Variants in ATP2B4 observed in about 807,000 individuals in gnomAD.
The protein encoded by ATP2B4 is plasma membrane calcium-transporting ATPase 4.
Under a neutral mutation model 110.3 loss-of-function variants are expected in ATP2B4, and 39 were observed. That is an observed-to-expected ratio of 0.35 (90% CI 0.27 to 0.46). ATP2B4 has a LOEUF of 0.46. Among genes scored for constraint, ATP2B4 ranks in the 20% least tolerant of loss-of-function variants. The pLI, the probability that ATP2B4 is intolerant of heterozygous loss-of-function variation, is 1.00. For synonymous variants in ATP2B4, 538 were observed against 571.7 expected (o/e 0.94, Z 0.84); for missense variants, 1,135 against 1,530.9 (o/e 0.74, Z 4.32).
intron 1 of ATP2B4, among the ~76,000 whole-genome samples, chr1:203,651,001 C>A (rs1306842210): frequency 6.6e-6 from 1 of 152,096 alleles, no homozygotes; most frequent in African/African-American, 2.4e-5. Flanking sequence ...CTCTTAATTC[C>A]TGGGCTCTAG....
chr1:203,723,459 T>TCTCTCTCTCTCTCTCTCC (rs1558052460), intron 18 of ATP2B4, among the ~76,000 whole-genome samples: 1 of 128,630 alleles, frequency 7.8e-6, no homozygotes, highest in African/African-American at 3.1e-5. Flanking sequence ...TCTCTCTCTC[T>TCTCTCTCTCTCTCTCTCC]CCCTCTGCCT....
chr1:203,736,177 G>C lies in ATP2B4; in HGVS notation c.3310-3369G>C, dbSNP rs1267063683. Among the ~76,000 whole-genome samples the C allele has an allele frequency of 5.3e-5, 8 of 152,192 alleles. No individual in the cohort carries two copies. The East Asian group carries it at 1.5e-3, about 29-fold the overall frequency. ...TTTCTTCTGGTTTCTGAAAAGAGCA[G>C]AAAACTGCCTGGCGCGGTGGCTCAC... On this transcript the variant is annotated intron_variant, in intron 20 of 20. Transcript: ENST00000357681.
chr1:203,698,047 C>G, intron 2 of ATP2B4, 110 bp from the exon 3 acceptor site: 1 of 886,890 alleles, frequency 1.1e-6, no homozygotes, highest in Non-Finnish European at 1.8e-6. Flanking sequence ...CTCTCTGTTG[C>G]CCAGGCTAGA....
intron 1 of ATP2B4, among the ~76,000 whole-genome samples, chr1:203,627,674 GA>G (rs58557409): frequency 0.44 from 58,682 of 134,482 alleles, 12,387 homozygotes; most frequent in East Asian, 0.69. Flanking sequence ...AAGAGAGATG[GA>G]AAAAAAAAAA....
At chr1:203,650,727 T>C (rs1425436279) in intron 1 of ATP2B4, among the ~76,000 whole-genome samples, 1 of 152,196 alleles carries the variant, frequency 6.6e-6, no homozygotes, top group Non-Finnish European at 1.5e-5. Flanking sequence ...AGGCTCAGCA[T>C]GCCGGCTGCG....
chr1:203,735,538 C>T (rs1230941754), intron 20 of ATP2B4, among the ~76,000 whole-genome samples: 2 of 152,134 alleles, frequency 1.3e-5, no homozygotes, highest in Non-Finnish European at 2.9e-5. Flanking sequence ...AGAACAGTTG[C>T]CTTGTCTGTG....
intron 1 of ATP2B4, among the ~76,000 whole-genome samples, chr1:203,677,691 T>C (rs1664868742): frequency 6.6e-6 from 1 of 152,202 alleles, no homozygotes; most frequent in South Asian, 2.1e-4. Flanking sequence ...CTCAAACTCC[T>C]GACCTCAGGT....
At chr1:203,663,273 A>T (rs1290871334) in intron 1 of ATP2B4, among the ~76,000 whole-genome samples, 2 of 152,052 alleles carry the variant, frequency 1.3e-5, no homozygotes, top group Non-Finnish European at 2.9e-5. Flanking sequence ...AATTCTGCGG[A>T]CTGGGAATTC....
intron 3 of ATP2B4, among the ~76,000 whole-genome samples, 162 bp downstream of exon 3, chr1:203,698,516 T>C (rs549289821): frequency 2.6e-5 from 4 of 152,164 alleles, no homozygotes; most frequent in Non-Finnish European, 5.9e-5. Flanking sequence ...ACTAAGCTAT[T>C]CTTCCAACTC....
At position 203,744,006 on chromosome 1, in the gene ATP2B4, C is replaced by A. The variant is rs1667041853; in HGVS notation, c.*4152C>A. 6.6e-6 allele frequency: 1 copy of A among 152,532 alleles called. No homozygotes were observed. The highest frequency in any genetic ancestry group is 1.5e-5 in the Non-Finnish European group (1 of 68,020). The allele number at this position is 152,532 out of a possible 1,614,324, so 9.4% of individuals were successfully genotyped here. On this transcript the variant is annotated 3_prime_UTR_variant, in exon 21 of 21. Transcript: ENST00000357681. Reference sequence around the variant, plus strand: ...TTTTAAAAGGGATAATTTGTTGGAGCCAATAAAGCTTTTTGCTGATGAACA... The same window carrying A: ...TTTTAAAAGGGATAATTTGTTGGAGACAATAAAGCTTTTTGCTGATGAACA...
intron 1 of ATP2B4, among the ~76,000 whole-genome samples, chr1:203,663,457 C>T (rs1322204511): frequency 2.0e-5 from 3 of 152,140 alleles, no homozygotes; most frequent in African/African-American, 7.2e-5. Flanking sequence ...ACACATCACA[C>T]ATACATTCAG....
intron 1 of ATP2B4, among the ~76,000 whole-genome samples, chr1:203,649,689 G>C (rs998622329): frequency 6.6e-6 from 1 of 152,130 alleles, no homozygotes; most frequent in African/African-American, 2.4e-5. Context: ...AGCTACTCAA[G>C]AGGCTGAGGT....
chr1:203,662,874 C>T (rs1431445875), intron 1 of ATP2B4, among the ~76,000 whole-genome samples: 1 of 152,202 alleles, frequency 6.6e-6, no homozygotes, highest in African/African-American at 2.4e-5. Flanking sequence ...AAACTCTGTC[C>T]TGAGGTTTTA....
intron 1 of ATP2B4, among the ~76,000 whole-genome samples, chr1:203,653,104 C>T (rs1230325665): frequency 6.6e-6 from 1 of 152,204 alleles, no homozygotes; most frequent in Non-Finnish European, 1.5e-5. Flanking sequence ...CTCCAGTTAA[C>T]ACACAAATGA....
intron 20 of ATP2B4, chr1:203,733,368 C>A: frequency 6.2e-7 from 1 of 1,614,044 alleles, no homozygotes; most frequent in Non-Finnish European, 8.5e-7. Flanking sequence ...CCCACCACTT[C>A]TGTTCCTGCT....
chr1:203,690,575 G>A (rs1027221467), intron 2 of ATP2B4, among the ~76,000 whole-genome samples: 5 of 152,112 alleles, frequency 3.3e-5, no homozygotes, highest in African/African-American at 1.2e-4. Flanking sequence ...GGTTCTTTGA[G>A]ATTTTTCTTC....
At chr1:203,684,158 G>T (rs988030005) in intron 2 of ATP2B4, among the ~76,000 whole-genome samples, 9 of 152,014 alleles carry the variant, frequency 5.9e-5, no homozygotes, top group African/African-American at 2.2e-4. Context: ...AGGAAGGAAG[G>T]GTACAAAAAA....
intron 10 of ATP2B4, 102 bp from the exon 11 acceptor site, chr1:203,709,199 G>T (rs1665934047): frequency 4.8e-6 from 7 of 1,460,778 alleles, no homozygotes; most frequent in Admixed American, 3.9e-5. Context: ...ATGAGCTCCA[G>T]GTATATAATG....
chr1:203,688,979 CCTT>C (rs1416175882), intron 2 of ATP2B4, among the ~76,000 whole-genome samples: 2 of 152,164 alleles, frequency 1.3e-5, no homozygotes, highest in African/African-American at 2.4e-5. Context: ...ACAATGGAAT[CCTT>C]CTTGTTTGCT....
Sources: allele counts gnomAD v4.1 joint callset (sites outside exome capture counted in the v4.1 genomes callset), GRCh38; gene constraint gnomAD v4.1.1; transcripts MANE v1.5; gene names NCBI Gene and HGNC (gene_info 2026-07-23, HGNC 2026-07-21).